Variants in MROH9 observed in about 807,000 individuals in gnomAD.
MROH9 encodes maestro heat like repeat family member 9.
In MROH9, 92 loss-of-function variants were observed where a neutral mutation model predicts 98.2. That is an observed-to-expected ratio of 0.94 (90% CI 0.79 to 1.11). The LOEUF (loss-of-function observed/expected upper bound fraction) is 1.11, where lower values mean the gene tolerates loss of function less well. Ranked by LOEUF, MROH9 falls within the 50% of genes most tolerant of loss-of-function variation. The pLI is 0.00. For missense variants in MROH9, 1,057 were observed against 1,014.8 expected, an observed-to-expected ratio of 1.04 and a Z score of -0.57; for synonymous variants, 397 against 368.9, an observed-to-expected ratio of 1.08 and a Z score of -0.87.
chr1:170,935,653 T>C (rs1648844729), intron 1 of MROH9, 66 bp downstream of exon 1: 1 of 152,160 alleles, frequency 6.6e-6, no homozygotes, highest in African/African-American at 2.4e-5. Flanking sequence ...TCCTGACTAC[T>C]TTTCTTAATT....
At chr1:171,032,845 G>A (rs1252395336) in intron 20 of MROH9, among the ~76,000 whole-genome samples, 1 of 152,186 alleles carries the variant, frequency 6.6e-6, no homozygotes, top group Non-Finnish European at 1.5e-5. Flanking sequence ...ACTTGTCTGG[G>A]CTGCCTGGAT....
intron 1 of MROH9, among the ~76,000 whole-genome samples, 158 bp downstream of exon 1, chr1:170,935,745 C>G (rs1648849288): frequency 6.6e-6 from 1 of 151,366 alleles, no homozygotes; most frequent in Non-Finnish European, 1.5e-5. Context: ...ACCTGTAATC[C>G]CAGCACTTTG....
At chr1:170,963,385 T>C (rs1650102500) in intron 6 of MROH9, among the ~76,000 whole-genome samples, 1 of 152,064 alleles carries the variant, frequency 6.6e-6, no homozygotes, top group East Asian at 1.9e-4. Context: ...TTGGTGGGAG[T>C]GTAAATTAGT....
intron 15 of MROH9, among the ~76,000 whole-genome samples, chr1:171,007,859 C>T (rs1376488375): frequency 6.6e-6 from 1 of 152,152 alleles, no homozygotes. Flanking sequence ...GCCAAGTCTG[C>T]AGAGAGACCG....
At chr1:170,996,860 A>T (rs1434444128) in intron 14 of MROH9, among the ~76,000 whole-genome samples, 1 of 151,978 alleles carries the variant, frequency 6.6e-6, no homozygotes, top group Non-Finnish European at 1.5e-5. Context: ...ACCTGATAAC[A>T]TAGATGCCCA....
chr1:170,983,404 T>C lies in MROH9; in HGVS notation c.617-18T>C, dbSNP rs773980157. On this transcript the variant is annotated intron_variant, in intron 8 of 21. Transcript: ENST00000367759. ...GTGATCAAATAACAACCTGAAACTC[T>C]TTTTCTTAACAAAGCAGATATTGGA... 48 of 1,549,414 alleles carry C rather than the reference T, an allele frequency of 3.1e-5. No homozygotes were observed. Among genetic ancestry groups the C allele is most frequent in the Non-Finnish European group, 4.1e-5 (46 of 1,126,824 alleles).
chr1:170,983,520 A>G lies in MROH9; in HGVS notation c.715A>G (p.Ser239Gly), dbSNP rs1651012344. Residue 239 changes from serine to glycine, a missense_variant, in exon 9 of 22, where the codon AGT becomes GGT. Ser to Gly is a moderately conservative substitution (Grantham distance 56, BLOSUM62 0). Coordinates refer to ENST00000367759, the MANE Select transcript of MROH9 (RefSeq NM_001163629.2). ...FLPKEFQQDE[S>G]KIAQRVGQTL... ...ACCCAAGGAGTTTCAACAAGACGAA[A>G]GTAAAATAGCTCAGGTAACTTAGCC... is the stretch of plus-strand genomic sequence containing the variant. The G allele has an allele frequency of 1.9e-6, 3 of 1,607,022 alleles. No homozygotes were observed. In the East Asian group the frequency reaches 6.7e-5, roughly 36 times the overall value.
chr1:171,059,000 T>G (rs113240936), intron 20 of MROH9, among the ~76,000 whole-genome samples: 3 of 152,178 alleles, frequency 2.0e-5, no homozygotes, highest in African/African-American at 7.2e-5. Flanking sequence ...AAATGGGATC[T>G]AATTAAAGAG....
At chr1:171,045,426 T>G (rs562836467) in intron 20 of MROH9, among the ~76,000 whole-genome samples, 12 of 152,310 alleles carry the variant, frequency 7.9e-5, no homozygotes, top group Admixed American at 5.2e-4. Context: ...ATATAGGCAC[T>G]TCACAGCTAC....
chr1:170,986,760 T>C, intron 10 of MROH9, 50 bp downstream of exon 10: 1 of 1,573,536 alleles, frequency 6.4e-7, no homozygotes, highest in East Asian at 2.3e-5. Flanking sequence ...CTCTCTAATG[T>C]GCATTTTTGC....
chr1:171,027,307 T>C (rs1187203951), intron 20 of MROH9, among the ~76,000 whole-genome samples: 2 of 152,222 alleles, frequency 1.3e-5, no homozygotes, highest in Non-Finnish European at 2.9e-5. Context: ...ATGTGGTATT[T>C]CATTTTCTGT....
intron 8 of MROH9, among the ~76,000 whole-genome samples, chr1:170,974,622 A>G (rs1231400373): frequency 1.3e-5 from 2 of 152,166 alleles, no homozygotes; most frequent in Non-Finnish European, 2.9e-5. Flanking sequence ...AAGAGTTGGT[A>G]GAATTAATTA....
chr1:171,021,601 C>A (rs1204033553), intron 17 of MROH9, among the ~76,000 whole-genome samples: 1 of 151,616 alleles, frequency 6.6e-6, no homozygotes, highest in African/African-American at 2.4e-5. Context: ...TTAAACAAAA[C>A]TTAACATGGC....
chr1:171,011,290 T>G lies in MROH9; in HGVS notation c.1597-2827T>G, dbSNP rs533808203. Among the ~76,000 whole-genome samples the G allele has an allele frequency of 5.4e-4, 83 of 152,316 alleles. No homozygotes were observed. The South Asian group carries it at 0.017, about 31-fold the overall frequency. Reference sequence around the variant, plus strand: ...ATGTTAAAACAATTAAGTGAAAAGTTGTTAGAGAATGGAATATTCACATAG... The same window carrying G: ...ATGTTAAAACAATTAAGTGAAAAGTGGTTAGAGAATGGAATATTCACATAG... On this transcript the variant is annotated intron_variant, in intron 15 of 21. Coordinates refer to ENST00000367759, the MANE Select transcript of MROH9 (RefSeq NM_001163629.2).
chr1:170,952,015 G>T (rs993490192), intron 3 of MROH9, among the ~76,000 whole-genome samples: 1 of 152,038 alleles, frequency 6.6e-6, no homozygotes, highest in South Asian at 2.1e-4. Context: ...ATCATCACTG[G>T]CCATCAGAGA....
chr1:170,945,589 T>C lies in MROH9; in HGVS notation c.25+8T>C, dbSNP rs1344810914. 6.2e-7 allele frequency: 1 copy of C among 1,611,356 alleles called. No homozygotes were observed. Among genetic ancestry groups the C allele is most frequent in the African/African-American group, 1.3e-5 (1 of 74,892 alleles). Reference sequence around the variant, plus strand: ...CAAGGAATCCAAAAACAAGTAAGGCTTTAGGACACAATAGAGATGGGAGAA... The same window carrying C: ...CAAGGAATCCAAAAACAAGTAAGGCCTTAGGACACAATAGAGATGGGAGAA... On this transcript the variant is annotated splice_region_variant and intron_variant, in intron 2 of 21. Coordinates refer to ENST00000367759, the MANE Select transcript of MROH9 (RefSeq NM_001163629.2).
At position 170,958,423 on chromosome 1, in the gene MROH9, ATTC is replaced by A. The variant is rs560711797; in HGVS notation, c.73-32_73-30del. The A allele has an allele frequency of 5.8e-5, 68 of 1,163,304 alleles. No homozygotes were observed. In the Admixed American group the frequency reaches 8.3e-4, roughly 14 times the overall value. The allele number at this position is 1,163,304 out of a possible 1,614,324, so 72.1% of individuals were successfully genotyped here. The stretch of plus-strand genomic sequence containing the variant: ...GAGTCTCACTGCTCTGTAATCATTA[ATTC>A]TTCTTTTTTTTTTTTTTTTTAACAT... On this transcript the variant is annotated intron_variant, in intron 3 of 21. Coordinates refer to ENST00000367759, the MANE Select transcript of MROH9 (RefSeq NM_001163629.2).
At position 170,937,156 on chromosome 1, in the gene MROH9, C is replaced by T. The variant is rs113109578; in HGVS notation, c.-38+1569C>T. ...CTGGGGAATTGGGTTTTCTTACATA[C>T]AACTGAGTTTCTGCTTACACATTCT... On this transcript the variant is annotated intron_variant, in intron 1 of 21. Coordinates refer to ENST00000367759, the MANE Select transcript of MROH9 (RefSeq NM_001163629.2). Among the ~76,000 whole-genome samples the T allele has an allele frequency of 9.3e-3, 1,419 of 152,314 alleles. 24 individuals are homozygous for T. Among genetic ancestry groups the T allele is most frequent in the African/African-American group, 0.032 (1,351 of 41,576 alleles).
intron 1 of MROH9, among the ~76,000 whole-genome samples, chr1:170,944,676 C>G (rs1649253646): frequency 6.6e-6 from 1 of 151,964 alleles, no homozygotes; most frequent in South Asian, 2.1e-4. Context: ...AGCTTTGAGG[C>G]AGTAAAGGTG....
Sources: gnomAD v4.1 joint callset for allele counts (sites outside exome capture counted in the v4.1 genomes callset) on GRCh38, gnomAD v4.1.1 for gene constraint, MANE v1.5 for transcripts, NCBI Gene and HGNC (gene_info 2026-07-23, HGNC 2026-07-21) for gene names.